The following ADAMTSL3 variants were observed in gnomAD, a reference collection of about 807,000 sequenced individuals.
ADAMTSL3 encodes ADAMTS like 3.
A neutral mutation model predicts 201.7 loss-of-function variants in ADAMTSL3; 128 were observed. The observed-to-expected ratio is 0.63, with a 90% CI of 0.55 to 0.73. ADAMTSL3 has a LOEUF of 0.73. ADAMTSL3 is among the 30% of genes least tolerant of loss of function. ADAMTSL3 has a pLI of 0.00. For synonymous variants in ADAMTSL3, 738 were observed against 748.4 expected (o/e 0.99, Z 0.23); for missense variants, 1,990 against 2,119.6 (o/e 0.94, Z 1.20).
chr15:84,031,430 G>T lies in ADAMTSL3; in HGVS notation c.4752G>T (p.Lys1584Asn). The change falls in exon 28 of 30, where the codon AAG becomes AAT. Residue 1584 changes from lysine to asparagine, a missense_variant and splice_region_variant. Physicochemically the swap from Lys to Asn is moderately conservative, Grantham distance 94. Transcript: ENST00000286744. ...CTGACTCCAACTGTGATGACAGAAAGAGGTAGGGGCCCCACCCCAGAGCAG... is the reference window on the plus strand; with the variant it reads ...CTGACTCCAACTGTGATGACAGAAATAGGTAGGGGCCCCACCCCAGAGCAG... ...NSSDSNCDDR[K>N]RPTLRRNCTS... 6.2e-7 allele frequency: 1 copy of T among 1,614,060 alleles called. No individual in the cohort carries two copies. The highest frequency in any genetic ancestry group is 8.5e-7 in the Non-Finnish European group (1 of 1,179,998).
chr15:83,778,216 AACT>A (rs1172682157), intron 4 of ADAMTSL3, among the ~76,000 whole-genome samples: 2 of 152,190 alleles, frequency 1.3e-5, no homozygotes, highest in Admixed American at 1.3e-4. Flanking sequence ...CATCCATGAG[AACT>A]TCATGGATGA....
intron 15 of ADAMTSL3, among the ~76,000 whole-genome samples, chr15:83,906,158 A>AT (rs1258249682): frequency 1.3e-5 from 2 of 152,070 alleles, no homozygotes; most frequent in Admixed American, 1.3e-4. Context: ...ACTTTTTTCT[A>AT]TTAAACTGTG....
At chr15:84,018,285 T>A (rs1378447152) in intron 25 of ADAMTSL3, among the ~76,000 whole-genome samples, 1 of 152,182 alleles carries the variant, frequency 6.6e-6, no homozygotes, top group African/African-American at 2.4e-5. Context: ...CTTCAAAGGA[T>A]CCTTAGCTTA....
chr15:83,822,587 T>G (rs1419995384), intron 6 of ADAMTSL3, among the ~76,000 whole-genome samples: 5 of 144,730 alleles, frequency 3.5e-5, no homozygotes, highest in Non-Finnish European at 6.0e-5. Context: ...TCCCCACATC[T>G]CAGACGATGG....
Position 83,878,580 on chromosome 15 carries a change from C to T in ADAMTSL3, c.961-6521C>T, listed in dbSNP as rs370658683. ...AGTGGGCCAAGATTGCGCCACTGCA[C>T]TCCAGCCTGGGTGACAGAGTGAGAC... On this transcript the variant is annotated intron_variant, in intron 9 of 29. Transcript: ENST00000286744. Among the ~76,000 whole-genome samples, 10 of 151,288 alleles carry T rather than the reference C, an allele frequency of 6.6e-5. No individual in the cohort carries two copies. The East Asian group carries it at 1.4e-3, about 21-fold the overall frequency.
intron 8 of ADAMTSL3, among the ~76,000 whole-genome samples, chr15:83,864,542 A>G (rs1235328447): frequency 6.6e-6 from 1 of 152,132 alleles, no homozygotes. Flanking sequence ...ATGCAGAAAA[A>G]GCCTTTGACA....
chr15:83,738,351 A>T (rs2062400794), intron 3 of ADAMTSL3, among the ~76,000 whole-genome samples: 1 of 152,124 alleles, frequency 6.6e-6, no homozygotes. Flanking sequence ...CTCCTTTTAG[A>T]GATATTTTAT....
intron 17 of ADAMTSL3, among the ~76,000 whole-genome samples, chr15:83,929,757 CAG>C (rs745931124): frequency 2.0e-5 from 3 of 150,834 alleles, no homozygotes; most frequent in Admixed American, 6.6e-5. Context: ...CACAGAGAGA[CAG>C]AGAGAGACAG....
chr15:83,728,126 C>G (rs1217542420), intron 3 of ADAMTSL3, among the ~76,000 whole-genome samples: 2 of 151,744 alleles, frequency 1.3e-5, no homozygotes, highest in Non-Finnish European at 2.9e-5. Context: ...ATGACTTTGT[C>G]TCTTTTTTCT....
At chr15:83,921,111 GC>G (rs1367557101) in intron 16 of ADAMTSL3, among the ~76,000 whole-genome samples, 1 of 152,136 alleles carries the variant, frequency 6.6e-6, no homozygotes, top group Non-Finnish European at 1.5e-5. Flanking sequence ...CCCTTTTCCT[GC>G]CACAAATAAT....
At chr15:83,764,372 C>T (rs1411680655) in intron 3 of ADAMTSL3, among the ~76,000 whole-genome samples, 1 of 152,154 alleles carries the variant, frequency 6.6e-6, no homozygotes, top group Non-Finnish European at 1.5e-5. Flanking sequence ...CCTCCAGATC[C>T]ACTCTCCACC....
intron 2 of ADAMTSL3, chr15:83,694,365 G>C (rs573508575): frequency 6.6e-6 from 1 of 152,348 alleles, no homozygotes; most frequent in Non-Finnish European, 1.5e-5. Flanking sequence ...GAGGCTGGCG[G>C]AGAGTGAGGT....
At chr15:83,881,765 G>A (rs1374303770) in intron 9 of ADAMTSL3, among the ~76,000 whole-genome samples, 1 of 152,080 alleles carries the variant, frequency 6.6e-6, no homozygotes, top group Non-Finnish European at 1.5e-5. Flanking sequence ...TGAGGCAAGA[G>A]AATCCCTTGA....
At chr15:83,969,249 G>C (rs1448353782) in intron 19 of ADAMTSL3, among the ~76,000 whole-genome samples, 1 of 152,132 alleles carries the variant, frequency 6.6e-6, no homozygotes, top group Non-Finnish European at 1.5e-5. Context: ...TTTGAGACCA[G>C]CCTGGCCAAG....
rs202240392 is a variant in ADAMTSL3, at chr15:83,819,927, G to C, written c.480G>C (p.Pro160=). The C allele has an allele frequency of 6.2e-7, 1 of 1,614,056 alleles. No homozygotes were observed. The highest frequency in any genetic ancestry group is 1.7e-5 in the Admixed American group (1 of 60,022). Residue 160 remains proline (P), a synonymous_variant, in exon 6 of 30, where the codon CCG becomes CCC. Coordinates refer to ENST00000286744, the MANE Select transcript of ADAMTSL3 (RefSeq NM_207517.3). ...WLPRYNDPAA[P]CALKCHAQGQ... ...CACGATATAATGATCCTGCTGCCCCGTGTGCACTCAAGTGTCATGCACAAG... is the reference window on the plus strand; with the variant it reads ...CACGATATAATGATCCTGCTGCCCCCTGTGCACTCAAGTGTCATGCACAAG...
chr15:83,773,449 G>T, intron 3 of ADAMTSL3, 74 bp from the exon 4 acceptor site: 1 of 1,503,122 alleles, frequency 6.7e-7, no homozygotes. Context: ...GGGAAGATTT[G>T]GGATATTTCT....
At chr15:83,750,908 A>G (rs1174345988) in intron 3 of ADAMTSL3, among the ~76,000 whole-genome samples, 2 of 152,206 alleles carry the variant, frequency 1.3e-5, no homozygotes, top group Admixed American at 1.3e-4. Context: ...TCCTTCATTT[A>G]TTACTGAAAG....
intron 5 of ADAMTSL3, among the ~76,000 whole-genome samples, chr15:83,817,964 C>G (rs1023011151): frequency 2.6e-5 from 4 of 152,166 alleles, no homozygotes; most frequent in African/African-American, 9.7e-5. Flanking sequence ...AGGAGAATCA[C>G]TTGAACCTGG....
At chr15:83,766,718 C>T (rs1163586140) in intron 3 of ADAMTSL3, among the ~76,000 whole-genome samples, 1 of 152,192 alleles carries the variant, frequency 6.6e-6, no homozygotes, top group Non-Finnish European at 1.5e-5. Flanking sequence ...GCGCTTCTGC[C>T]TAGGCCCCTT....
Sources: allele counts gnomAD v4.1 joint callset (sites outside exome capture counted in the v4.1 genomes callset), GRCh38; gene constraint gnomAD v4.1.1; transcripts MANE v1.5; gene names NCBI Gene and HGNC (gene_info 2026-07-23, HGNC 2026-07-21).